PCDHGA9: variants seen among roughly 807,000 people sequenced by gnomAD.
PCDHGA9 encodes the protein protocadherin gamma-A9.
In PCDHGA9, 37 loss-of-function variants were observed where a neutral mutation model predicts 62.5. The ratio of observed to expected loss-of-function variants is 0.59; its 90% CI spans 0.46 to 0.78. The LOEUF is 0.78. Ranked by LOEUF, PCDHGA9 falls within the 30% of genes least tolerant of loss-of-function variation. The pLI, the probability that PCDHGA9 is intolerant of heterozygous loss-of-function variation, is 0.00. For missense variants in PCDHGA9, 1,138 were observed against 1,166.2 expected (o/e 0.98, Z 0.35); for synonymous variants, 459 against 484.6 (o/e 0.95, Z 0.69).
At chr5:141,419,182 C>T in intron 1 of PCDHGA9, 2 of 1,613,986 alleles carry the variant, frequency 1.2e-6, no homozygotes, top group Non-Finnish European at 1.7e-6. Context: ...TAACCCTGCA[C>T]ATTACTGACG....
chr5:141,487,831 A>T lies in PCDHGA9; in HGVS notation c.2425-6976A>T. 2 of 1,144,322 alleles carry T rather than the reference A, an allele frequency of 1.7e-6. No individual in the cohort carries two copies. Among genetic ancestry groups the T allele is most frequent in the Non-Finnish European group, 2.4e-6 (2 of 818,294 alleles). 70.9% of individuals were successfully genotyped at this position (1,144,322 alleles called of 1,614,324 possible). ...TTAGCATTGGGGGCGGGTCATGCCT[A>T]TATCTGAGTAAGAAATGAAAGTAAT... On this transcript the variant is annotated intron_variant, in intron 1 of 3. Transcript: ENST00000573521. The surrounding 1 kb of genome is among the most constrained non-coding windows in gnomAD (Gnocchi z 5.0).
intron 1 of PCDHGA9, among the ~76,000 whole-genome samples, chr5:141,426,006 G>C (rs1013613474): frequency 2.0e-5 from 3 of 152,104 alleles, no homozygotes; most frequent in African/African-American, 7.2e-5. Flanking sequence ...AAGGCTTCCG[G>C]CTGCAGTTTT....
intron 2 of PCDHGA9, among the ~76,000 whole-genome samples, chr5:141,496,186 G>A (rs879940448): frequency 2.0e-5 from 3 of 152,018 alleles, no homozygotes; most frequent in Non-Finnish European, 4.4e-5. Flanking sequence ...AGCAGCCCCA[G>A]CTGCTCATTT....
At chr5:141,418,604 G>A in intron 1 of PCDHGA9, 2 of 1,614,040 alleles carry the variant, frequency 1.2e-6, no homozygotes, top group Non-Finnish European at 1.7e-6. Context: ...CGTGTACAGG[G>A]TTAGCCTTCG....
chr5:141,505,294 G>A, intron 2 of PCDHGA9, 99 bp from the exon 3 acceptor site: 1 of 1,572,086 alleles, frequency 6.4e-7, no homozygotes, highest in Non-Finnish European at 8.6e-7. Flanking sequence ...GCATGGGGTA[G>A]GGTTAGGGTA....
At chr5:141,447,209 G>A (rs1004956165) in intron 1 of PCDHGA9, among the ~76,000 whole-genome samples, 3 of 151,850 alleles carry the variant, frequency 2.0e-5, no homozygotes, top group East Asian at 3.9e-4. Context: ...GCTTGATCTC[G>A]GCTCACTGCA....
intron 1 of PCDHGA9, chr5:141,409,446 C>A: frequency 6.2e-7 from 1 of 1,613,984 alleles, no homozygotes; most frequent in Middle Eastern, 1.6e-4. Flanking sequence ...CGAGAGCAGA[C>A]ACCAGAATAC....
chr5:141,405,587 G>T, intron 1 of PCDHGA9: 1 of 585,648 alleles, frequency 1.7e-6, no homozygotes, highest in Non-Finnish European at 3.0e-6. Flanking sequence ...TGGGACTACA[G>T]GCCTCCCAAG....
chr5:141,404,914 C>G lies in PCDHGA9; in HGVS notation c.1962C>G (p.Leu654=), dbSNP rs1423848318. 1 of 1,613,830 alleles carries G rather than the reference C, an allele frequency of 6.2e-7. No individual in the cohort carries two copies. The highest frequency in any genetic ancestry group is 8.5e-7 in the Non-Finnish European group (1 of 1,179,892). Residue 654 remains leucine (L), a synonymous_variant, in exon 1 of 4, where the codon CTC becomes CTG. Coordinates refer to ENST00000573521, the MANE Select transcript of PCDHGA9 (RefSeq NM_018921.3). ...VAVQDHGQPP[L]SATVTLTVAI... is the part of the protein sequence containing the mutation. ...TACAGGACCATGGCCAGCCCCCTCTCTCGGCCACTGTCACGCTCACAGTAG... is the reference window on the plus strand; with the variant it reads ...TACAGGACCATGGCCAGCCCCCTCTGTCGGCCACTGTCACGCTCACAGTAG...
In PCDHGA9 at chr5:141,489,911, G is replaced by A; in HGVS notation, c.2425-4896G>A. On this transcript the variant is annotated intron_variant, in intron 1 of 3. Transcript: ENST00000573521. The surrounding 1 kb of genome is among the most constrained non-coding windows in gnomAD (Gnocchi z 4.5). ...GATGGGGGGACCCCAGCCCGCTCAG[G>A]GACCACCCTTATCTCTGTCATCGTG... 3.7e-6 allele frequency: 6 copies of A among 1,614,198 alleles called. No individual in the cohort carries two copies. Among genetic ancestry groups the A allele is most frequent in the Non-Finnish European group, 5.1e-6 (6 of 1,180,042 alleles).
At position 141,413,426 on chromosome 5, in the gene PCDHGA9, G is replaced by T. The variant is rs138985917; in HGVS notation, c.2424+8050G>T. On this transcript the variant is annotated intron_variant, in intron 1 of 3. Transcript: ENST00000573521. Reference sequence around the variant, plus strand: ...ACGCAGCTTTTCTCTCTGAACCCGCGCAGCGGCAGCTTGATCACCGCGGGC... The same window carrying T: ...ACGCAGCTTTTCTCTCTGAACCCGCTCAGCGGCAGCTTGATCACCGCGGGC... 776 of 1,614,090 alleles carry T rather than the reference G, an allele frequency of 4.8e-4. 5 individuals carry two copies. The African/African-American group carries it at 9.2e-3, about 19-fold the overall frequency.
rs898536568 is a variant in PCDHGA9 at position 141,478,080 on chromosome 5, C to T, written c.2425-16727C>T. The T allele has an allele frequency of 1.9e-6, 3 of 1,614,012 alleles. No homozygotes were observed. The Admixed American group carries it at 5.0e-5, about 27-fold the overall frequency. The stretch of plus-strand genomic sequence containing the variant: ...TTGATCAAAGACAATGGGGAGCCTT[C>T]GCTCTCCACCACTGCTACCCTCACT... On this transcript the variant is annotated intron_variant, in intron 1 of 3. Coordinates refer to ENST00000573521, the MANE Select transcript of PCDHGA9 (RefSeq NM_018921.3).
intron 1 of PCDHGA9, chr5:141,427,739 C>G: frequency 2.4e-6 from 3 of 1,232,634 alleles, no homozygotes; most frequent in Non-Finnish European, 3.5e-6. Context: ...ATGGCCAAGT[C>G]TCCTACTCCA....
In PCDHGA9 at chr5:141,476,702, C is replaced by A. The variant is rs751321222; in HGVS notation, c.2425-18105C>A. 1.4e-5 allele frequency: 23 copies of A among 1,614,104 alleles called. No individual in the cohort carries two copies. Among genetic ancestry groups the A allele is most frequent in the Non-Finnish European group, 1.7e-5 (20 of 1,180,050 alleles). ...GGAGGACAGCACCAAGTACGCGGAG[C>A]TGGTGTTGGAGCGCGCCCTGGACCG... is the stretch of plus-strand genomic sequence containing the variant. On this transcript the variant is annotated intron_variant, in intron 1 of 3. Coordinates refer to ENST00000573521, the MANE Select transcript of PCDHGA9 (RefSeq NM_018921.3). The surrounding 1 kb of genome is among the most constrained non-coding windows in gnomAD (Gnocchi z 7.6).
intron 1 of PCDHGA9, among the ~76,000 whole-genome samples, chr5:141,425,382 G>A (rs1455106607): frequency 1.3e-5 from 2 of 152,208 alleles, no homozygotes; most frequent in African/African-American, 4.8e-5. Context: ...TTGATTCGGA[G>A]GTAGTGATAA....
intron 1 of PCDHGA9, among the ~76,000 whole-genome samples, chr5:141,452,082 T>A (rs924362905): frequency 3.3e-5 from 5 of 152,240 alleles, no homozygotes; most frequent in Non-Finnish European, 7.3e-5. Context: ...GTTGGCATTA[T>A]ACAGTAAGAA....
At chr5:141,483,076 C>A (rs964178941) in intron 1 of PCDHGA9, among the ~76,000 whole-genome samples, 8 of 152,044 alleles carry the variant, frequency 5.3e-5, no homozygotes, top group Non-Finnish European at 8.8e-5. Context: ...CAGAGAGAGA[C>A]TCCATCTCAA....
intron 1 of PCDHGA9, chr5:141,479,478 G>T (rs760475025): frequency 2.6e-5 from 4 of 152,408 alleles, no homozygotes; most frequent in African/African-American, 9.6e-5. Context: ...TCTTGGGAGG[G>T]CAGGACCATC....
At chr5:141,467,901 C>T (rs1484485803) in intron 1 of PCDHGA9, among the ~76,000 whole-genome samples, 7 of 152,034 alleles carry the variant, frequency 4.6e-5, no homozygotes, top group Admixed American at 1.3e-4. Flanking sequence ...TCAAGAAATC[C>T]GCCCACCTCA....
Sources: allele counts gnomAD v4.1 joint callset (sites outside exome capture counted in the v4.1 genomes callset), GRCh38; gene constraint gnomAD v4.1.1; non-coding constraint Gnocchi (gnomAD v3.1); transcripts MANE v1.5; gene names NCBI Gene and HGNC (gene_info 2026-07-23, HGNC 2026-07-21).